CORIN: variants seen among roughly 807,000 people sequenced by gnomAD.
CORIN encodes corin, serine peptidase.
Under a neutral mutation model 125.3 loss-of-function variants are expected in CORIN, and 117 were observed. That is an observed-to-expected ratio of 0.93 (90% CI 0.80 to 1.09). The LOEUF is 1.09. CORIN is among the 50% of genes least tolerant of loss of function. The probability of loss-of-function intolerance (pLI) is 0.00; values close to 1 mark genes in which losing one functional copy is unlikely to be tolerated. For missense variants in CORIN, 1,253 were observed against 1,306.7 expected, an observed-to-expected ratio of 0.96 and a Z score of 0.63; for synonymous variants, 450 against 466.4, an observed-to-expected ratio of 0.96 and a Z score of 0.45.
At chr4:47,690,143 C>A (rs147966029) in intron 6 of CORIN, among the ~76,000 whole-genome samples, 1 of 152,074 alleles carries the variant, frequency 6.6e-6, no homozygotes, top group African/African-American at 2.4e-5. Context: ...CTCTGAAAGC[C>A]GTAATACATC....
chr4:47,701,548 T>C (rs1406243750), intron 5 of CORIN, among the ~76,000 whole-genome samples: 4 of 152,234 alleles, frequency 2.6e-5, no homozygotes, highest in Non-Finnish European at 5.9e-5. Context: ...AGAATAGATC[T>C]GTAACTGGTG....
At chr4:47,775,383 G>C (rs527469799) in intron 3 of CORIN, among the ~76,000 whole-genome samples, 4 of 151,506 alleles carry the variant, frequency 2.6e-5, no homozygotes, top group African/African-American at 9.7e-5. Context: ...CCCACCCCAC[G>C]ACGGGCCCCC....
intron 3 of CORIN, among the ~76,000 whole-genome samples, chr4:47,776,028 G>A (rs1241614791): frequency 1.3e-5 from 2 of 150,062 alleles, no homozygotes; most frequent in African/African-American, 4.9e-5. Context: ...AAGTAGCTGG[G>A]GGTTTTTTTG....
At chr4:47,775,114 G>A (rs1730231429) in intron 3 of CORIN, among the ~76,000 whole-genome samples, 1 of 152,130 alleles carries the variant, frequency 6.6e-6, no homozygotes. Context: ...AGGACAAGAT[G>A]GCTGACTAGA....
chr4:47,655,849 GAAAAA>G (rs34392343), intron 12 of CORIN, among the ~76,000 whole-genome samples: 1 of 106,850 alleles, frequency 9.4e-6, no homozygotes, highest in Admixed American at 8.8e-5. Flanking sequence ...TCTTTCAGCA[GAAAAA>G]AAAAAAAAAA....
chr4:47,823,865 C>T (rs1403376412), intron 1 of CORIN, among the ~76,000 whole-genome samples: 1 of 152,198 alleles, frequency 6.6e-6, no homozygotes, highest in South Asian at 2.1e-4. Flanking sequence ...CACCTTCCTC[C>T]TCCTACTCAG....
In CORIN at chr4:47,678,066, C is replaced by T. The variant is rs754608475; in HGVS notation, c.1133-12G>A. On this transcript the variant is annotated splice_polypyrimidine_tract_variant and intron_variant, in intron 8 of 21. Coordinates refer to ENST00000273857, the MANE Select transcript of CORIN (RefSeq NM_006587.4). ...CTGGCTGTGACAGGCTAGGAAGGAC[C>T]ATAACAATATTCACTTTATTTATTA... The T allele has an allele frequency of 6.4e-7, 1 of 1,553,242 alleles. No individual in the cohort carries two copies. The highest frequency in any genetic ancestry group is 8.9e-7 in the Non-Finnish European group (1 of 1,124,518).
Position 47,680,175 on chromosome 4 carries a change from G to T in CORIN, c.1098C>A (p.His366Gln), listed in dbSNP as rs771465430. 1 of 1,613,852 alleles carries T rather than the reference G, an allele frequency of 6.2e-7. No homozygotes were observed. The highest frequency in any genetic ancestry group is 8.5e-7 in the Non-Finnish European group (1 of 1,179,762). The change falls in exon 8 of 22, where the codon CAC (histidine) becomes CAA (glutamine). Residue 366 changes from histidine to glutamine, a missense_variant. Coordinates refer to ENST00000273857, the MANE Select transcript of CORIN (RefSeq NM_006587.4). Reference sequence around the variant, plus strand: ...CCTCGTCAGACTTATCCACACAGTCGTGGTCACCATCACACACCCACTCCA... The same window carrying T: ...CCTCGTCAGACTTATCCACACAGTCTTGGTCACCATCACACACCCACTCCA... The part of the protein sequence containing the change: ...IAMEWVCDGD[H>Q]DCVDKSDEVN...
intron 19 of CORIN, among the ~76,000 whole-genome samples, chr4:47,604,381 G>A (rs557119854): frequency 6.6e-6 from 1 of 152,044 alleles, no homozygotes; most frequent in Non-Finnish European, 1.5e-5. Context: ...ATTTCATCTA[G>A]TCCAATGGTT....
chr4:47,822,547 A>T (rs1460041585), intron 1 of CORIN, among the ~76,000 whole-genome samples: 1 of 152,116 alleles, frequency 6.6e-6, no homozygotes. Context: ...ATCTTTTATG[A>T]CTTTCACAGT....
rs549109703 is a variant in CORIN, at chr4:47,736,608, AT to A, written c.799+7793del. Among the ~76,000 whole-genome samples, 322 of 152,220 alleles carry A rather than the reference AT, an allele frequency of 2.1e-3. 3 individuals are homozygous for A. Among genetic ancestry groups the A allele is most frequent in the Non-Finnish European group, 4.1e-4 (28 of 68,012 alleles). ...TTATTAAGCCTAGTACCCATTAATTATTTTTCCTGATCCTTTTTCTCCTCCT... is the reference window on the plus strand; with the variant it reads ...TTATTAAGCCTAGTACCCATTAATTATTTTCCTGATCCTTTTTCTCCTCCT... On this transcript the variant is annotated intron_variant, in intron 5 of 21. Transcript: ENST00000273857.
chr4:47,597,920 G>A (rs1721313179), intron 21 of CORIN, among the ~76,000 whole-genome samples: 3 of 152,166 alleles, frequency 2.0e-5, no homozygotes, highest in Admixed American at 2.0e-4. Context: ...AAATCTAATG[G>A]CTAGAAAGAG....
intron 1 of CORIN, among the ~76,000 whole-genome samples, chr4:47,808,355 C>T (rs1731891139): frequency 6.6e-6 from 1 of 152,188 alleles, no homozygotes; most frequent in South Asian, 2.1e-4. Flanking sequence ...GTAATATTCT[C>T]AGGACTTCCT....
At chr4:47,617,889 G>C (rs1008546940) in intron 19 of CORIN, among the ~76,000 whole-genome samples, 2 of 152,164 alleles carry the variant, frequency 1.3e-5, no homozygotes, top group African/African-American at 4.8e-5. Flanking sequence ...CAAAGATTTT[G>C]TTCTTGGGAA....
intron 5 of CORIN, among the ~76,000 whole-genome samples, chr4:47,707,549 A>T (rs892676816): frequency 6.6e-6 from 1 of 152,264 alleles, no homozygotes; most frequent in African/African-American, 2.4e-5. Context: ...CAAGATTTCC[A>T]GAGGCTCTCC....
chr4:47,826,697 T>A (rs561967134), intron 1 of CORIN, among the ~76,000 whole-genome samples: 1 of 152,360 alleles, frequency 6.6e-6, no homozygotes, highest in South Asian at 2.1e-4. Flanking sequence ...ATCCTTTATT[T>A]AATTACATTT....
chr4:47,667,536 T>C lies in CORIN; in HGVS notation c.1358-2273A>G, dbSNP rs1724535005. Among the ~76,000 whole-genome samples the C allele has an allele frequency of 2.0e-5, 3 of 152,320 alleles. No homozygotes were observed. In the South Asian group the frequency reaches 6.2e-4, roughly 32 times the overall value. On this transcript the variant is annotated intron_variant, in intron 10 of 21. Transcript: ENST00000273857. ...TTAATTATTTGACTAAGAAGTGGTA[T>C]CCATGCAAATAGATTTGCAATAAGG...
At chr4:47,705,302 T>G (rs1218624822) in intron 5 of CORIN, among the ~76,000 whole-genome samples, 1 of 152,214 alleles carries the variant, frequency 6.6e-6, no homozygotes, top group Non-Finnish European at 1.5e-5. Context: ...ATGTCAGTCT[T>G]TATGGTTTAC....
At chr4:47,659,466 G>A (rs1056494911) in intron 12 of CORIN, among the ~76,000 whole-genome samples, 4 of 152,216 alleles carry the variant, frequency 2.6e-5, no homozygotes, top group Non-Finnish European at 5.9e-5. Flanking sequence ...GAACCATGGT[G>A]AAGACATCTG....
Sources: gnomAD v4.1 joint callset for allele counts (sites outside exome capture counted in the v4.1 genomes callset) on GRCh38, gnomAD v4.1.1 for gene constraint, MANE v1.5 for transcripts, NCBI Gene and HGNC (gene_info 2026-07-23, HGNC 2026-07-21) for gene names.